The following INPP5A variants were observed in gnomAD, a reference collection of about 807,000 sequenced individuals.
The protein encoded by INPP5A is inositol polyphosphate-5-phosphatase A.
A neutral mutation model predicts 65.2 loss-of-function variants in INPP5A; 14 were observed. The observed-to-expected ratio is 0.21, with a 90% CI of 0.14 to 0.34. The LOEUF is 0.34. Among genes scored for constraint, INPP5A ranks in the 10% least tolerant of loss-of-function variants. The pLI, the probability that INPP5A is intolerant of heterozygous loss-of-function variation, is 1.00. For missense variants in INPP5A, 431 were observed against 545.6 expected (o/e 0.79, Z 2.09); for synonymous variants, 207 against 208.3 (o/e 0.99, Z 0.05).
intron 4 of INPP5A, among the ~76,000 whole-genome samples, chr10:132,670,058 G>T (rs1049652417): frequency 1.5e-5 from 1 of 66,212 alleles, no homozygotes; most frequent in Non-Finnish European, 2.9e-5. Flanking sequence ...CACTGCACAC[G>T]TTCTCAGCCC....
At chr10:132,638,044 G>A (rs2072379914) in intron 2 of INPP5A, among the ~76,000 whole-genome samples, 2 of 152,312 alleles carry the variant, frequency 1.3e-5, no homozygotes, top group South Asian at 2.1e-4. Context: ...GGCTTTGGAA[G>A]TTGGGCAGTG....
chr10:132,749,216 C>T (rs751054819), intron 9 of INPP5A, among the ~76,000 whole-genome samples: 4 of 152,246 alleles, frequency 2.6e-5, no homozygotes, highest in Admixed American at 6.5e-5. Flanking sequence ...CTGTGCCTTC[C>T]GAGCCTGCTG....
chr10:132,635,638 G>A (rs867779017), intron 2 of INPP5A, among the ~76,000 whole-genome samples: 66 of 151,598 alleles, frequency 4.4e-4, no homozygotes, highest in Middle Eastern at 3.4e-3. Flanking sequence ...CTCGTGACCC[G>A]CCCTCCTCAG....
intron 6 of INPP5A, among the ~76,000 whole-genome samples, chr10:132,701,318 C>G (rs1031104166): frequency 6.6e-6 from 1 of 152,240 alleles, no homozygotes; most frequent in African/African-American, 2.4e-5. Flanking sequence ...GGAGCCAACA[C>G]AGGCCAGGGG....
rs200133687 is a variant in INPP5A at position 132,755,028 on chromosome 10, CGT to C, written c.903+5191_903+5192del. The stretch of plus-strand genomic sequence containing the variant: ...ATGCATGTGAGCCTGTGTGAGTATG[CGT>C]GTGTGTGATCGTATGCATGTGTGTG... On this transcript the variant is annotated intron_variant, in intron 11 of 15. Coordinates refer to ENST00000368594, the MANE Select transcript of INPP5A (RefSeq NM_005539.5). Among the ~76,000 whole-genome samples the C allele has an allele frequency of 5.3e-3, 780 of 148,458 alleles. 7 individuals carry two copies. The highest frequency in any genetic ancestry group is 0.018 in the African/African-American group (738 of 40,356).
At chr10:132,752,880 A>AT (rs772724881) in intron 11 of INPP5A, among the ~76,000 whole-genome samples, 5 of 152,212 alleles carry the variant, frequency 3.3e-5, no homozygotes, top group Non-Finnish European at 5.9e-5. Flanking sequence ...TAATCTGAAT[A>AT]TTTGAGAGAA....
At chr10:132,755,384 G>A (rs1223552017) in intron 11 of INPP5A, among the ~76,000 whole-genome samples, 1 of 151,200 alleles carries the variant, frequency 6.6e-6, no homozygotes, top group Non-Finnish European at 1.5e-5. Flanking sequence ...GAGTGTGCGT[G>A]AGAGCAGGTG....
intron 1 of INPP5A, among the ~76,000 whole-genome samples, chr10:132,573,045 GC>G (rs1200946222): frequency 4.0e-5 from 6 of 149,402 alleles, no homozygotes; most frequent in Non-Finnish European, 3.0e-5. Flanking sequence ...GGGTGTACGT[GC>G]CGTGTGAGGT....
At chr10:132,654,109 T>C (rs73383177) in intron 4 of INPP5A, among the ~76,000 whole-genome samples, 5,856 of 152,080 alleles carry the variant, frequency 0.039, 195 homozygotes, top group African/African-American at 0.085. Context: ...ACCCTCACGA[T>C]GAGGGTTTCC....
At position 132,546,709 on chromosome 10, in the gene INPP5A, C is replaced by T. The variant is rs1350886578; in HGVS notation, c.75+8538C>T. On this transcript the variant is annotated intron_variant, in intron 1 of 15. Transcript: ENST00000368594. This position sits in a 1 kb window ranked among gnomAD's most constrained non-coding sequence, Gnocchi z 5.7. ...CTGTGTAGCCTGCACTGAACTGCCCCTCTTCCTGGGTGCACTGCATACCCC... is the reference window on the plus strand; with the variant it reads ...CTGTGTAGCCTGCACTGAACTGCCCTTCTTCCTGGGTGCACTGCATACCCC... 6.6e-6 allele frequency among the ~76,000 whole-genome samples: 1 copy of T among 152,170 alleles called. No individual in the cohort carries two copies. The highest frequency in any genetic ancestry group is 1.5e-5 in the Non-Finnish European group (1 of 68,020).
chr10:132,624,523 C>T lies in INPP5A; in HGVS notation c.117+16567C>T, dbSNP rs2133364708. Reference sequence around the variant, plus strand: ...ACCGGCGTGTCTGCACTTCCACCGGCGTGTCTGCACTTCCCACTGGCGTGT... The same window carrying T: ...ACCGGCGTGTCTGCACTTCCACCGGTGTGTCTGCACTTCCCACTGGCGTGT... On this transcript the variant is annotated intron_variant, in intron 2 of 15. Coordinates refer to ENST00000368594, the MANE Select transcript of INPP5A (RefSeq NM_005539.5). 1.3e-5 allele frequency among the ~76,000 whole-genome samples: 2 copies of T among 151,052 alleles called. 1 individual carries two copies. The highest frequency in any genetic ancestry group is 4.2e-4 in the South Asian group (2 of 4,772).
At position 132,774,450 on chromosome 10, in the gene INPP5A, C is replaced by T. The variant is rs963427177; in HGVS notation, c.978-3221C>T. On this transcript the variant is annotated intron_variant, in intron 12 of 15. Transcript: ENST00000368594. ...TGGAGAAGTGAGGCTGCGCTCCTGC[C>T]GCTTCCTCTGAGCACAGCTCGGGGA... Among the ~76,000 whole-genome samples, 8 of 152,224 alleles carry T rather than the reference C, an allele frequency of 5.3e-5. No individual in the cohort carries two copies. The South Asian group carries it at 8.3e-4, about 16-fold the overall frequency.
At chr10:132,606,785 G>T (rs1037321128) in intron 1 of INPP5A, among the ~76,000 whole-genome samples, 1 of 152,196 alleles carries the variant, frequency 6.6e-6, no homozygotes, top group Non-Finnish European at 1.5e-5. Flanking sequence ...CCAGGGCAGG[G>T]GCTTTAGTCC....
intron 1 of INPP5A, among the ~76,000 whole-genome samples, chr10:132,564,682 G>A (rs1429460006): frequency 6.6e-6 from 1 of 152,258 alleles, no homozygotes; most frequent in Non-Finnish European, 1.5e-5. Context: ...GGCAGTGAGT[G>A]CAGGGCAGAC....
rs753078011 is a variant in INPP5A at position 132,752,595 on chromosome 10, AGGGGTGTGGCATGGAGT to A, written c.903+2784_903+2800del. Among the ~76,000 whole-genome samples the A allele has an allele frequency of 3.0e-3, 236 of 77,482 alleles. 1 individual carries two copies. The highest frequency in any genetic ancestry group is 7.8e-3 in the Middle Eastern group (1 of 128). The allele number at this position is 77,482 out of a possible 152,430, so 50.8% of individuals were successfully genotyped here. ...GGAGTGGTGAGGAGGTGTGGCATGG[AGGGGTGTGGCATGGAGT>A]GGGGTGTGGCATGGAGTGGGGTGTG... On this transcript the variant is annotated intron_variant, in intron 11 of 15. Transcript: ENST00000368594.
intron 12 of INPP5A, among the ~76,000 whole-genome samples, chr10:132,773,965 T>G (rs752235017): frequency 1.6e-4 from 25 of 152,232 alleles, no homozygotes; most frequent in Non-Finnish European, 3.1e-4. Context: ...TCTTACTATG[T>G]TGTCCAGGCT....
At chr10:132,763,650 C>G (rs953170814) in intron 11 of INPP5A, among the ~76,000 whole-genome samples, 3 of 136,492 alleles carry the variant, frequency 2.2e-5, no homozygotes, top group African/African-American at 7.5e-5. Context: ...CCTGCATGCA[C>G]ACACACATGC....
Position 132,726,871 on chromosome 10 carries a change from T to G in INPP5A, c.698T>G (p.Phe233Cys). 1 of 1,610,702 alleles carries G rather than the reference T, an allele frequency of 6.2e-7. No homozygotes were observed. Among genetic ancestry groups the G allele is most frequent in the Admixed American group, 1.7e-5 (1 of 59,778 alleles). Residue 233 changes from phenylalanine (F) to cysteine (C), a missense_variant, in exon 9 of 16, where the codon TTC (phenylalanine) becomes TGC (cysteine). Physicochemically the swap from Phe to Cys is radical, Grantham distance 205. Transcript: ENST00000368594. ...GTTTCCTACTTTGTATTTGGTGATT[T>G]CAACTTCCGGCTGGATTCCAAGTCC... Reference protein sequence around the residue: ...EKVSYFVFGDFNFRLDSKSVV... With the variant: ...EKVSYFVFGDCNFRLDSKSVV...
At chr10:132,781,591 A>C (rs568530767) in intron 14 of INPP5A, among the ~76,000 whole-genome samples, 94 of 152,236 alleles carry the variant, frequency 6.2e-4, no homozygotes, top group Non-Finnish European at 1.2e-3. Context: ...CAGTTTTTCC[A>C]TTAATTTTTT....
Sources: gnomAD v4.1 joint callset for allele counts (sites outside exome capture counted in the v4.1 genomes callset) on GRCh38, gnomAD v4.1.1 for gene constraint, Gnocchi (gnomAD v3.1) non-coding constraint, MANE v1.5 for transcripts, NCBI Gene and HGNC (gene_info 2026-07-23, HGNC 2026-07-21) for gene names.